SLC7A8: variants seen among roughly 807,000 people sequenced by gnomAD.
SLC7A8 encodes large neutral amino acids transporter small subunit 2.
Under a neutral mutation model 51.2 loss-of-function variants are expected in SLC7A8, and 30 were observed. The ratio of observed to expected loss-of-function variants is 0.59; its 90% CI spans 0.44 to 0.80. The LOEUF (loss-of-function observed/expected upper bound fraction) is 0.80. SLC7A8 is among the 30% of genes least tolerant of loss of function. SLC7A8 has a pLI of 0.00. For synonymous variants in SLC7A8, 257 were observed against 275.8 expected, an observed-to-expected ratio of 0.93 and a Z score of 0.67; for missense variants, 612 against 674.4, an observed-to-expected ratio of 0.91 and a Z score of 1.03.
At position 23,165,297 on chromosome 14, in the gene SLC7A8, C is replaced by T. The variant is rs2048943596; in HGVS notation, c.496G>A (p.Ala166Thr). The change falls in exon 3 of 11, where the codon GCC (alanine) becomes ACC (threonine). Residue 166 changes from alanine to threonine, a missense_variant. Coordinates refer to ENST00000316902, the MANE Select transcript of SLC7A8 (RefSeq NM_012244.4). This position sits in a 1 kb window ranked among gnomAD's most constrained non-coding sequence, Gnocchi z 4.2. ...PPESGLRLLA[A>T]ICLLLLTWVN... ...AGATGACACTTACATAAGCAGATGG[C>T]AGCCAGGAGCCGAAGGCCAGACTCT... The T allele has an allele frequency of 1.9e-6, 3 of 1,609,114 alleles. No homozygotes were observed. Among genetic ancestry groups the T allele is most frequent in the Middle Eastern group, 1.7e-4 (1 of 5,900 alleles).
chr14:23,131,924 C>T (rs1293271065), intron 7 of SLC7A8, among the ~76,000 whole-genome samples: 1 of 152,172 alleles, frequency 6.6e-6, no homozygotes, highest in East Asian at 1.9e-4. Flanking sequence ...AAAAGCATTC[C>T]TCACATCCTC....
At chr14:23,131,373 G>GGT in intron 8 of SLC7A8, 88 bp downstream of exon 8, 1 of 1,079,656 alleles carries the variant, frequency 9.3e-7, no homozygotes, top group South Asian at 1.7e-5. Flanking sequence ...GGGTAACAGG[G>GGT]GTGTGTGTGA....
intron 1 of SLC7A8, among the ~76,000 whole-genome samples, chr14:23,169,609 G>C (rs2048966420): frequency 6.6e-6 from 1 of 152,022 alleles, no homozygotes; most frequent in Non-Finnish European, 1.5e-5. Flanking sequence ...GTTTCACCAT[G>C]TTGGCCAGGC....
At chr14:23,180,987 A>G (rs1194234460) in intron 1 of SLC7A8, among the ~76,000 whole-genome samples, 1 of 152,140 alleles carries the variant, frequency 6.6e-6, no homozygotes, top group African/African-American at 2.4e-5. Context: ...AGATCGCGCC[A>G]CTGCACTCCA....
chr14:23,127,732 T>C (rs2048591622), intron 10 of SLC7A8, among the ~76,000 whole-genome samples: 2 of 152,222 alleles, frequency 1.3e-5, no homozygotes, highest in South Asian at 4.1e-4. Context: ...ATCCTCTGTC[T>C]CAGCCTCCCA....
chr14:23,177,233 C>T (rs1475362723), intron 1 of SLC7A8, among the ~76,000 whole-genome samples: 1 of 152,248 alleles, frequency 6.6e-6, no homozygotes, highest in Non-Finnish European at 1.5e-5. Context: ...TTAAAGATTT[C>T]TCCATATGTA....
chr14:23,130,441 C>T (rs1490395294), intron 8 of SLC7A8, among the ~76,000 whole-genome samples: 1 of 152,182 alleles, frequency 6.6e-6, no homozygotes, highest in Non-Finnish European at 1.5e-5. Context: ...GAACCATGCT[C>T]CTCCCCTCTG....
At chr14:23,166,121 A>C (rs541564114) in intron 2 of SLC7A8, among the ~76,000 whole-genome samples, 1 of 152,148 alleles carries the variant, frequency 6.6e-6, no homozygotes, top group East Asian at 1.9e-4. Context: ...TCAAAACTAC[A>C]AACCTGGTCC....
At position 23,137,965 on chromosome 14, in the gene SLC7A8, C is replaced by G. The variant is rs1275280858; in HGVS notation, c.972G>C (p.Leu324=). The G allele has an allele frequency of 1.9e-6, 3 of 1,613,840 alleles. No homozygotes were observed. The highest frequency in any genetic ancestry group is 2.5e-6 in the Non-Finnish European group (3 of 1,180,014). The change falls in exon 7 of 11, where the codon CTG becomes CTC. Residue 324 remains leucine (L), a synonymous_variant. Coordinates refer to ENST00000316902, the MANE Select transcript of SLC7A8 (RefSeq NM_012244.4). ...MAWIMPISVA[L]STFGGVNGSL... ...ACCCATTAACTCCTCCAAATGTGGA[C>G]AGGGCAACAGAAATGGGCATGATCC...
At chr14:23,172,306 G>C (rs904031104) in intron 1 of SLC7A8, among the ~76,000 whole-genome samples, 2 of 152,258 alleles carry the variant, frequency 1.3e-5, no homozygotes, top group Non-Finnish European at 2.9e-5. Flanking sequence ...CATTCTCTGA[G>C]TCATTTGTCT....
intron 4 of SLC7A8, among the ~76,000 whole-genome samples, chr14:23,141,245 A>G (rs1395333510): frequency 6.6e-6 from 1 of 152,186 alleles, no homozygotes. Flanking sequence ...TGATTGTGCC[A>G]CTGCACTCCA....
At chr14:23,139,181 G>A (rs906202895) in intron 6 of SLC7A8, among the ~76,000 whole-genome samples, 20 of 152,144 alleles carry the variant, frequency 1.3e-4, no homozygotes, top group African/African-American at 3.9e-4. Flanking sequence ...CTCAGGCCAC[G>A]CGGTCTCTGT....
intron 3 of SLC7A8, among the ~76,000 whole-genome samples, chr14:23,163,643 G>A (rs752316010): frequency 6.6e-6 from 1 of 152,144 alleles, no homozygotes; most frequent in East Asian, 1.9e-4. Flanking sequence ...AAAGTGTCAG[G>A]ACCTGGGAAA....
chr14:23,163,366 C>G (rs1389711228), intron 3 of SLC7A8, among the ~76,000 whole-genome samples: 3 of 152,196 alleles, frequency 2.0e-5, no homozygotes, highest in Non-Finnish European at 4.4e-5. Context: ...GCGCAGGCAG[C>G]CTGGTTTTGG....
intron 10 of SLC7A8, 45 bp downstream of exon 10, chr14:23,127,974 C>A: frequency 6.4e-7 from 1 of 1,574,150 alleles, no homozygotes; most frequent in Non-Finnish European, 8.7e-7. Flanking sequence ...CACTGCATTC[C>A]AGCCCAGGAG....
At chr14:23,156,965 G>T (rs1443216554) in intron 3 of SLC7A8, among the ~76,000 whole-genome samples, 2 of 152,154 alleles carry the variant, frequency 1.3e-5, no homozygotes, top group Non-Finnish European at 2.9e-5. Flanking sequence ...TTGAAACGAA[G>T]AAGAAGGCTG....
At chr14:23,174,794 C>T (rs776824337) in intron 1 of SLC7A8, among the ~76,000 whole-genome samples, 10 of 152,160 alleles carry the variant, frequency 6.6e-5, no homozygotes, top group Non-Finnish European at 1.3e-4. Flanking sequence ...TCTGTAGACG[C>T]GTTCTGGAAG....
At chr14:23,134,618 C>T (rs1243115903) in intron 7 of SLC7A8, among the ~76,000 whole-genome samples, 2 of 151,828 alleles carry the variant, frequency 1.3e-5, no homozygotes, top group African/African-American at 4.8e-5. Context: ...AGTAGAGTGG[C>T]GTGATTATAG....
intron 8 of SLC7A8, 128 bp from the exon 9 acceptor site, chr14:23,129,927 C>T (rs2048617151): frequency 2.0e-6 from 2 of 982,494 alleles, no homozygotes; most frequent in Admixed American, 2.4e-5. Flanking sequence ...GAAATGGAGA[C>T]TTTAGAACCT....
Sources: gnomAD v4.1 joint callset for allele counts (sites outside exome capture counted in the v4.1 genomes callset) on GRCh38, gnomAD v4.1.1 for gene constraint, Gnocchi (gnomAD v3.1) non-coding constraint, MANE v1.5 for transcripts, NCBI Gene and HGNC (gene_info 2026-07-23, HGNC 2026-07-21) for gene names.